Variants in LMOD3 observed in about 807,000 individuals in gnomAD.
LMOD3 encodes the protein leiomodin 3, also known as leiomodin-3.
In LMOD3, 31 loss-of-function variants were observed where a neutral mutation model predicts 41.8. That is an observed-to-expected ratio of 0.74 (90% CI 0.56 to 1.00). LMOD3 has a LOEUF of 1.00. Among genes scored for constraint, LMOD3 ranks in the 50% least tolerant of loss-of-function variants. The pLI is 0.00. For synonymous variants in LMOD3, 292 were observed against 241.9 expected, an observed-to-expected ratio of 1.21 and a Z score of -1.92; for missense variants, 755 against 679.5, an observed-to-expected ratio of 1.11 and a Z score of -1.23.
Position 69,118,777 on chromosome 3 carries a change from T to C in LMOD3, c.1578A>G (p.Pro526=). The part of the protein sequence containing the change: ...KTLKPVPRNR[P]PPLVEITPRD... ...TGGGAGTGATTTCCACCAATGGGGG[T>C]GGCCTGTTTCTCGGCACTGGCTTGA... Residue 526 remains proline, a synonymous_variant, in exon 2 of 3, where the codon CCA becomes CCG. Coordinates refer to ENST00000420581, the MANE Select transcript of LMOD3 (RefSeq NM_198271.5). The C allele has an allele frequency of 1.2e-6, 2 of 1,610,958 alleles. No homozygotes were observed. Among genetic ancestry groups the C allele is most frequent in the South Asian group, 1.1e-5 (1 of 90,744 alleles).
Position 69,120,063 on chromosome 3 carries a change from A to G in LMOD3, c.295-3T>C, listed in dbSNP as rs377200088. On this transcript the variant is annotated splice_region_variant and splice_polypyrimidine_tract_variant and intron_variant, in intron 1 of 2. Transcript: ENST00000420581. ...TCATGCTCTTCTTGAGTCTTTTCCT[A>G]CAAGAGAGGTTTATGAGGGTTAGAA... 2.0e-5 allele frequency: 32 copies of G among 1,590,128 alleles called. No individual in the cohort carries two copies. The African/African-American group carries it at 3.9e-4, about 20-fold the overall frequency.
chr3:69,120,004 C>G lies in LMOD3; in HGVS notation c.351G>C (p.Gln117His). ...EIEKRNKNMA[Q>H]YLKEKLNNEI... is the part of the protein sequence containing the mutation. ...CATTATTGAGCTTTTCTTTTAAATA[C>G]TGGGCCATATTTTTATTACGTTTTT... is the stretch of plus-strand genomic sequence containing the variant. The change falls in exon 2 of 3, where the codon CAG (glutamine) becomes CAC (histidine). Residue 117 changes from glutamine (Q) to histidine (H), a missense_variant. Transcript: ENST00000420581. The G allele has an allele frequency of 6.2e-7, 1 of 1,605,784 alleles. No homozygotes were observed. The highest frequency in any genetic ancestry group is 8.5e-7 in the Non-Finnish European group (1 of 1,176,660).
Position 69,119,368 on chromosome 3 carries a change from G to C in LMOD3, c.987C>G (p.Ala329=). The change falls in exon 2 of 3, where the codon GCC becomes GCG. Residue 329 remains alanine (A), a synonymous_variant. Coordinates refer to ENST00000420581, the MANE Select transcript of LMOD3 (RefSeq NM_198271.5). ...CATTAAACTGGAGACACCTCATGAT[G>C]GCCACAATCCCTTTACCTGTGATGA... ...SNFITGKGIV[A]IMRCLQFNET... 6.2e-7 allele frequency: 1 copy of C among 1,613,904 alleles called. No individual in the cohort carries two copies. The highest frequency in any genetic ancestry group is 8.5e-7 in the Non-Finnish European group (1 of 1,179,876).
In LMOD3 at chr3:69,109,518, CA is replaced by C. The variant is rs1285033329; in HGVS notation, c.1657-398del. ...TATACAAGTGAGTAATCCATGTTAA[CA>C]CTTTTTTTTTTTTTTTTTTTTTTTT... On this transcript the variant is annotated intron_variant, in intron 2 of 2. Coordinates refer to ENST00000420581, the MANE Select transcript of LMOD3 (RefSeq NM_198271.5). Among the ~76,000 whole-genome samples, 18 of 139,198 alleles carry C rather than the reference CA, an allele frequency of 1.3e-4. No homozygotes were observed. In the South Asian group the frequency reaches 2.9e-3, roughly 22 times the overall value. The allele number at this position is 139,198 out of a possible 152,430, so 91.3% of individuals were successfully genotyped here.
At chr3:69,117,117 A>C (rs2092378176) in intron 2 of LMOD3, among the ~76,000 whole-genome samples, 1 of 152,208 alleles carries the variant, frequency 6.6e-6, no homozygotes, top group South Asian at 2.1e-4. Flanking sequence ...AGGTGCAGAA[A>C]GTCTTGATGT....
chr3:69,119,975 A>G lies in LMOD3; in HGVS notation c.380T>C (p.Ile127Thr), dbSNP rs772567883. 1 of 1,595,978 alleles carries G rather than the reference A, an allele frequency of 6.3e-7. No individual in the cohort carries two copies. The highest frequency in any genetic ancestry group is 8.5e-7 in the Non-Finnish European group (1 of 1,169,934). Residue 127 changes from isoleucine (I) to threonine (T), a missense_variant, in exon 2 of 3, where the codon ATA becomes ACA. Transcript: ENST00000420581. ...QYLKEKLNNE[I>T]VANKRESKGS... ...CTTTGATTCTCTTTTATTTGCAACT[A>G]TTTCATTATTGAGCTTTTCTTTTAA...
intron 2 of LMOD3, among the ~76,000 whole-genome samples, chr3:69,110,857 T>A (rs866062627): frequency 0.03 from 3,419 of 114,126 alleles, 83 homozygotes; most frequent in African/African-American, 0.071. Flanking sequence ...AAAAAAAATA[T>A]ATATATATAT....
rs2092412415 is a variant in LMOD3 at position 69,122,306 on chromosome 3, C to G, written c.81G>C (p.Leu27Phe). ...EINEDEILANLSAEELKELQS... is the reference protein window; with the variant it reads ...EINEDEILANFSAEELKELQS... ...GCAGTTCTTTCAGTTCTTCAGCAGACAAGTTGGCCAAGATTTCATCTTCAT... is the reference window on the plus strand; with the variant it reads ...GCAGTTCTTTCAGTTCTTCAGCAGAGAAGTTGGCCAAGATTTCATCTTCAT... The change falls in exon 1 of 3, where the codon TTG becomes TTC. Residue 27 changes from leucine to phenylalanine, a missense_variant. By Grantham distance (22) the Leu-to-Phe change is conservative. Coordinates refer to ENST00000420581, the MANE Select transcript of LMOD3 (RefSeq NM_198271.5). 3 of 1,613,180 alleles carry G rather than the reference C, an allele frequency of 1.9e-6. No individual in the cohort carries two copies. The highest frequency in any genetic ancestry group is 2.5e-6 in the Non-Finnish European group (3 of 1,179,546).
chr3:69,113,940 G>T (rs1449197611), intron 2 of LMOD3, among the ~76,000 whole-genome samples: 5 of 152,122 alleles, frequency 3.3e-5, no homozygotes. Flanking sequence ...TTAACTCATA[G>T]GGAAATGATT....
chr3:69,114,030 T>C (rs1559659371), intron 2 of LMOD3, among the ~76,000 whole-genome samples: 2 of 151,970 alleles, frequency 1.3e-5, no homozygotes, highest in African/African-American at 4.8e-5. Context: ...AAGAGCATAA[T>C]AAAAAAATTC....
At chr3:69,110,855 T>A (rs9819797) in intron 2 of LMOD3, among the ~76,000 whole-genome samples, 13,832 of 91,496 alleles carry the variant, frequency 0.15, 978 homozygotes, top group African/African-American at 0.21. Flanking sequence ...AAAAAAAAAA[T>A]ATATATATAT....
Position 69,122,469 on chromosome 3 carries a change from G to A in LMOD3, c.-83C>T, listed in dbSNP as rs1166677209. On this transcript the variant is annotated 5_prime_UTR_variant, in exon 1 of 3. Transcript: ENST00000420581. Reference sequence around the variant, plus strand: ...AAAGAAGGAAAAAAGCCTCAAGAAGGTCCCCCAGTTAACGAGTGTCCCAAG... The same window carrying A: ...AAAGAAGGAAAAAAGCCTCAAGAAGATCCCCCAGTTAACGAGTGTCCCAAG... 1.0e-5 allele frequency: 11 copies of A among 1,088,200 alleles called. No homozygotes were observed. The highest frequency in any genetic ancestry group is 1.7e-5 in the South Asian group (1 of 58,542). The allele number at this position is 1,088,200 out of a possible 1,614,324, so 67.4% of individuals were successfully genotyped here.
intron 2 of LMOD3, among the ~76,000 whole-genome samples, chr3:69,117,469 G>C (rs990660605): frequency 1.3e-4 from 20 of 152,118 alleles, no homozygotes; most frequent in African/African-American, 4.6e-4. Flanking sequence ...CTATATTACA[G>C]GAGATTTTAA....
chr3:69,117,236 A>G (rs1471383160), intron 2 of LMOD3, among the ~76,000 whole-genome samples: 2 of 152,202 alleles, frequency 1.3e-5, no homozygotes, highest in South Asian at 2.1e-4. Flanking sequence ...ATCATAGATG[A>G]AAGTCAGCTT....
intron 1 of LMOD3, among the ~76,000 whole-genome samples, chr3:69,121,033 T>A (rs961461677): frequency 7.9e-5 from 12 of 152,150 alleles, no homozygotes; most frequent in Non-Finnish European, 1.6e-4. Context: ...CTTAACCACC[T>A]GAAGTCTTCA....
rs537602397 is a variant in LMOD3, at chr3:69,119,887, G to T, written c.468C>A (p.Asp156Glu). Reference sequence around the variant, plus strand: ...CTTCACCATCATCTTCTCCTTCGTCGTCATCATCATCATCTTCTTCTTCTT... The same window carrying T: ...CTTCACCATCATCTTCTCCTTCGTCTTCATCATCATCATCTTCTTCTTCTT... ...EDEEEEDDDD[D>E]DEGEDDGEES... is the part of the protein sequence containing the mutation. Residue 156 changes from aspartate to glutamate, a missense_variant, in exon 2 of 3, where the codon GAC becomes GAA. Coordinates refer to ENST00000420581, the MANE Select transcript of LMOD3 (RefSeq NM_198271.5). 1.2e-5 allele frequency: 18 copies of T among 1,546,358 alleles called. No homozygotes were observed. Among genetic ancestry groups the T allele is most frequent in the Non-Finnish European group, 1.5e-5 (17 of 1,140,302 alleles).
At position 69,122,137 on chromosome 3, in the gene LMOD3, T is replaced by C; in HGVS notation, c.250A>G (p.Met84Val). 1.2e-6 allele frequency: 2 copies of C among 1,612,768 alleles called. No homozygotes were observed. Among genetic ancestry groups the C allele is most frequent in the East Asian group, 4.5e-5 (2 of 44,808 alleles). ...ACAGGAACTCGTTCCTCTTCCAGCA[T>C]GCGCCTGGATGCCTTTTCCCAATAC... is the stretch of plus-strand genomic sequence containing the variant. ...YMYWEKASRR[M>V]LEEERVPVTF... is the part of the protein sequence containing the mutation. The change falls in exon 1 of 3, where the codon ATG (methionine) becomes GTG (valine). Residue 84 changes from methionine (M) to valine (V), a missense_variant. By Grantham distance (21) the Met-to-Val change is conservative. Transcript: ENST00000420581.
intron 2 of LMOD3, among the ~76,000 whole-genome samples, chr3:69,115,467 G>C (rs1241777645): frequency 6.7e-6 from 1 of 150,298 alleles, no homozygotes; most frequent in East Asian, 2.0e-4. Context: ...GGGTGATAGA[G>C]TGAGATCCTG....
intron 2 of LMOD3, among the ~76,000 whole-genome samples, chr3:69,110,851 AAAATAT>A (rs2092346330): frequency 8.3e-6 from 1 of 120,832 alleles, no homozygotes; most frequent in Non-Finnish European, 1.6e-5. Flanking sequence ...AAAAAAAAAA[AAAATAT>A]ATATATATAT....
Sources: gnomAD v4.1 joint callset for allele counts (sites outside exome capture counted in the v4.1 genomes callset) on GRCh38, gnomAD v4.1.1 for gene constraint, MANE v1.5 for transcripts, NCBI Gene and HGNC (gene_info 2026-07-23, HGNC 2026-07-21) for gene names.